The following MACROD2 variants were observed in gnomAD, a reference collection of about 807,000 sequenced individuals.
The protein encoded by MACROD2 is mono-ADP ribosylhydrolase 2.
In MACROD2, 36 loss-of-function variants were observed where a neutral mutation model predicts 70.4. That is an observed-to-expected ratio of 0.51 (90% CI 0.39 to 0.68). MACROD2 has a LOEUF of 0.68. Among genes scored for constraint, MACROD2 ranks in the 30% least tolerant of loss-of-function variants. MACROD2 has a pLI of 0.00. For missense variants in MACROD2, 496 were observed against 538.4 expected (o/e 0.92, Z 0.78); for synonymous variants, 172 against 178.8 (o/e 0.96, Z 0.30).
intron 6 of MACROD2, among the ~76,000 whole-genome samples, chr20:15,328,731 C>G (rs2077959424): frequency 6.6e-6 from 1 of 152,080 alleles, no homozygotes; most frequent in Admixed American, 6.6e-5. Flanking sequence ...TTAGATGCCA[C>G]TTATTATTTT....
intron 6 of MACROD2, among the ~76,000 whole-genome samples, chr20:15,305,679 A>G (rs545256526): frequency 2.7e-5 from 4 of 149,560 alleles, no homozygotes; most frequent in South Asian, 4.2e-4. Context: ...GTGTGCGCGC[A>G]CACATGTGTG....
At chr20:15,189,205 C>T (rs1018561764) in intron 5 of MACROD2, among the ~76,000 whole-genome samples, 13 of 151,844 alleles carry the variant, frequency 8.6e-5, no homozygotes, top group Admixed American at 5.3e-4. Context: ...AGGCTGAGTC[C>T]CTGCATGACT....
intron 3 of MACROD2, among the ~76,000 whole-genome samples, chr20:14,388,656 G>T (rs1374603460): frequency 2.6e-5 from 4 of 152,144 alleles, no homozygotes; most frequent in Non-Finnish European, 5.9e-5. Context: ...TGAATTGTCT[G>T]TCAGAACTAG....
intron 5 of MACROD2, among the ~76,000 whole-genome samples, chr20:14,793,565 G>T (rs1201432988): frequency 6.6e-6 from 1 of 151,884 alleles, no homozygotes; most frequent in Non-Finnish European, 1.5e-5. Context: ...GGTTAACATA[G>T]GGAATCGATT....
intron 8 of MACROD2, among the ~76,000 whole-genome samples, chr20:15,722,246 G>A (rs1395125633): frequency 6.6e-6 from 1 of 152,112 alleles, no homozygotes; most frequent in Admixed American, 6.5e-5. Flanking sequence ...TTTTACTAAT[G>A]TAGATGCTTA....
chr20:14,439,521 T>C (rs2084097184), intron 3 of MACROD2, among the ~76,000 whole-genome samples: 1 of 152,152 alleles, frequency 6.6e-6, no homozygotes, highest in Non-Finnish European at 1.5e-5. Context: ...TGTGTGTATG[T>C]ATATAAGAAA....
chr20:15,109,101 T>C (rs115238459), intron 5 of MACROD2, among the ~76,000 whole-genome samples: 1,525 of 152,332 alleles, frequency 0.01, 26 homozygotes, highest in African/African-American at 0.033. Flanking sequence ...ATGGCTTCTT[T>C]TATGCTTCAA....
At chr20:16,023,066 T>C (rs1167551874) in intron 15 of MACROD2, among the ~76,000 whole-genome samples, 1 of 152,190 alleles carries the variant, frequency 6.6e-6, no homozygotes, top group East Asian at 1.9e-4. Context: ...TACCTTCCAC[T>C]GTAAGAACAA....
At chr20:16,004,849 C>T (rs921015438) in intron 15 of MACROD2, among the ~76,000 whole-genome samples, 3 of 152,212 alleles carry the variant, frequency 2.0e-5, no homozygotes, top group Non-Finnish European at 4.4e-5. Flanking sequence ...CTGGCATCAG[C>T]GGGGCAGTTA....
chr20:15,690,775 T>C (rs1353968769), intron 8 of MACROD2, among the ~76,000 whole-genome samples: 1 of 152,206 alleles, frequency 6.6e-6, no homozygotes, highest in African/African-American at 2.4e-5. Flanking sequence ...AAATAGACCA[T>C]GATGACATGA....
chr20:15,603,234 C>T (rs2048846647), intron 8 of MACROD2, among the ~76,000 whole-genome samples: 1 of 151,964 alleles, frequency 6.6e-6, no homozygotes, highest in African/African-American at 2.4e-5. Context: ...AGTGGTGGCT[C>T]ATGCTTGTAA....
chr20:15,397,807 G>T (rs1338050964), intron 6 of MACROD2, among the ~76,000 whole-genome samples: 1 of 152,072 alleles, frequency 6.6e-6, no homozygotes, highest in Non-Finnish European at 1.5e-5. Flanking sequence ...TCATGAGGGT[G>T]GGTTTATAGA....
chr20:14,677,873 C>T (rs2070881140), intron 4 of MACROD2, among the ~76,000 whole-genome samples: 1 of 152,072 alleles, frequency 6.6e-6, no homozygotes, highest in African/African-American at 2.4e-5. Context: ...TTGGCCAATA[C>T]ATTCATTCTA....
chr20:14,753,269 T>G (rs975664381), intron 5 of MACROD2, among the ~76,000 whole-genome samples: 1 of 152,068 alleles, frequency 6.6e-6, no homozygotes, highest in African/African-American at 2.4e-5. Context: ...TTTTAATGAT[T>G]ATTTCATGAA....
chr20:14,733,754 T>C (rs1040672401), intron 5 of MACROD2, among the ~76,000 whole-genome samples: 2 of 152,154 alleles, frequency 1.3e-5, no homozygotes, highest in East Asian at 1.9e-4. Context: ...GGGTTTTTTT[T>C]CCCCAAACTG....
chr20:15,946,056 A>G (rs2065818455), intron 12 of MACROD2, among the ~76,000 whole-genome samples: 1 of 152,114 alleles, frequency 6.6e-6, no homozygotes, highest in African/African-American at 2.4e-5. Flanking sequence ...AGGAACTACA[A>G]TGAAATGAGT....
At chr20:14,869,733 G>T (rs2073466928) in intron 5 of MACROD2, among the ~76,000 whole-genome samples, 1 of 152,144 alleles carries the variant, frequency 6.6e-6, no homozygotes, top group Non-Finnish European at 1.5e-5. Flanking sequence ...TGGTAAAGTA[G>T]TATCTGCCAT....
chr20:15,084,929 A>G (rs1316066989), intron 5 of MACROD2, among the ~76,000 whole-genome samples: 3 of 152,186 alleles, frequency 2.0e-5, no homozygotes, highest in Non-Finnish European at 4.4e-5. Context: ...TAAAATTCAT[A>G]TGGAAACTCA....
chr20:15,105,839 C>A (rs1436038023), intron 5 of MACROD2, among the ~76,000 whole-genome samples: 1 of 152,056 alleles, frequency 6.6e-6, no homozygotes, highest in Non-Finnish European at 1.5e-5. Context: ...GAAAAACAGC[C>A]TCAGGCAGGC....
Sources: allele counts gnomAD v4.1 joint callset (sites outside exome capture counted in the v4.1 genomes callset), GRCh38; gene constraint gnomAD v4.1.1; transcripts MANE v1.5; gene names NCBI Gene and HGNC (gene_info 2026-07-23, HGNC 2026-07-21).